Variants in LDHB observed in about 807,000 individuals in gnomAD.
LDHB encodes the protein L-lactate dehydrogenase B chain.
A neutral mutation model predicts 33.4 loss-of-function variants in LDHB; 18 were observed. The ratio of observed to expected loss-of-function variants is 0.54; its 90% CI spans 0.37 to 0.80. The LOEUF is 0.80. LDHB is among the 30% of genes least tolerant of loss of function. The pLI is 0.00. For missense variants in LDHB, 345 were observed against 407.9 expected, an observed-to-expected ratio of 0.85 and a Z score of 1.33; for synonymous variants, 121 against 140.6, an observed-to-expected ratio of 0.86 and a Z score of 0.98.
At chr12:21,648,853 T>C (rs1938601412) in intron 2 of LDHB, among the ~76,000 whole-genome samples, 1 of 152,242 alleles carries the variant, frequency 6.6e-6, no homozygotes, top group South Asian at 2.1e-4. Context: ...GAATGTGTCC[T>C]TAGCTCTGAG....
At chr12:21,649,215 AAGGATGTCAC>A (rs1938612439) in intron 2 of LDHB, among the ~76,000 whole-genome samples, 1 of 152,188 alleles carries the variant, frequency 6.6e-6, no homozygotes. Flanking sequence ...TTAAGTAGAA[AAGGATGTCAC>A]AGGATGTCAG....
intron 2 of LDHB, among the ~76,000 whole-genome samples, chr12:21,652,960 G>T (rs972283872): frequency 6.6e-6 from 1 of 152,170 alleles, no homozygotes; most frequent in African/African-American, 2.4e-5. Flanking sequence ...TTGGTTAGGG[G>T]TTATTCAGGC....
intron 4 of LDHB, among the ~76,000 whole-genome samples, chr12:21,643,160 C>A (rs1243522625): frequency 1.3e-5 from 2 of 152,216 alleles, no homozygotes; most frequent in African/African-American, 4.8e-5. Context: ...ACTCTCAATA[C>A]TCAAGATACT....
chr12:21,638,481 A>G lies in LDHB; in HGVS notation c.596-11T>C. On this transcript the variant is annotated splice_polypyrimidine_tract_variant and intron_variant, in intron 5 of 7. Coordinates refer to ENST00000350669, the MANE Select transcript of LDHB (RefSeq NM_002300.8). Reference sequence around the variant, plus strand: ...CACTCCACACAGCCACTGTTTAAAAAAAAAAAAAAAGACATTGCAGTTATT... The same window carrying G: ...CACTCCACACAGCCACTGTTTAAAAGAAAAAAAAAAGACATTGCAGTTATT... The G allele has an allele frequency of 1.4e-6, 2 of 1,476,550 alleles. No homozygotes were observed. Among genetic ancestry groups the G allele is most frequent in the Non-Finnish European group, 1.9e-6 (2 of 1,061,186 alleles). The allele number at this position is 1,476,550 out of a possible 1,614,324, so 91.5% of individuals were successfully genotyped here. A position where few individuals can be genotyped will look rare whatever the true frequency, so the allele number is the denominator to read the frequency against.
chr12:21,644,219 T>G, intron 3 of LDHB, 111 bp from the exon 4 acceptor site: 2 of 768,162 alleles, frequency 2.6e-6, no homozygotes, highest in South Asian at 3.4e-5. Context: ...AGAACATATA[T>G]GTGAATTAAG....
intron 5 of LDHB, among the ~76,000 whole-genome samples, chr12:21,640,407 A>G (rs974644234): frequency 2.6e-5 from 4 of 151,956 alleles, no homozygotes; most frequent in South Asian, 4.1e-4. Flanking sequence ...TTTATGTACA[A>G]TTCTTTACTT....
At chr12:21,656,210 AT>A (rs1016674446) in intron 1 of LDHB, among the ~76,000 whole-genome samples, 67 of 152,316 alleles carry the variant, frequency 4.4e-4, no homozygotes, top group African/African-American at 1.5e-3. Context: ...TGTAACAACT[AT>A]TTTATCTTAT....
intron 5 of LDHB, among the ~76,000 whole-genome samples, 186 bp downstream of exon 5, chr12:21,641,766 T>C (rs1048351802): frequency 6.6e-6 from 1 of 151,984 alleles, no homozygotes; most frequent in African/African-American, 2.4e-5. Context: ...AGATAGATGA[T>C]AGGTAGATAG....
intron 2 of LDHB, among the ~76,000 whole-genome samples, chr12:21,649,620 C>CTAAAATGGCTT (rs1565629574): frequency 6.7e-6 from 1 of 150,082 alleles, no homozygotes; most frequent in African/African-American, 2.5e-5. Flanking sequence ...TAATGTATCA[C>CTAAAATGGCTT]TAAAATGGCT....
At chr12:21,640,811 C>T (rs1207704141) in intron 5 of LDHB, among the ~76,000 whole-genome samples, 1 of 150,778 alleles carries the variant, frequency 6.6e-6, no homozygotes. Flanking sequence ...TTGTGCAAGA[C>T]AGTGCTCAAA....
intron 3 of LDHB, 133 bp from the exon 4 acceptor site, chr12:21,644,241 G>T (rs1399706856): frequency 4.5e-6 from 3 of 666,422 alleles, no homozygotes; most frequent in East Asian, 5.4e-5. Flanking sequence ...TTTCTGTATT[G>T]TAAGGGCTTG....
chr12:21,653,444 G>T (rs1164262764), intron 2 of LDHB, among the ~76,000 whole-genome samples: 3 of 152,214 alleles, frequency 2.0e-5, no homozygotes, highest in Middle Eastern at 3.4e-3. Flanking sequence ...TGGAAAAATT[G>T]TCTCCCACAA....
At position 21,654,611 on chromosome 12, in the gene LDHB, T is replaced by C. The variant is rs1219394608; in HGVS notation, c.61A>G (p.Asn21Asp). 2 of 1,614,082 alleles carry C rather than the reference T, an allele frequency of 1.2e-6. No homozygotes were observed. Among genetic ancestry groups the C allele is most frequent in the Admixed American group, 3.3e-5 (2 of 60,032 alleles). Residue 21 changes from asparagine to aspartate, a missense_variant, in exon 2 of 8, where the codon AAC becomes GAC. Physicochemically the swap from Asn to Asp is conservative, Grantham distance 23 (BLOSUM62 1). Transcript: ENST00000350669. Reference sequence around the variant, plus strand: ...ACACCCACTACAGTGATCTTATTGTTTGGAACTGTTGCCTCTTCTTCCGCA... The same window carrying C: ...ACACCCACTACAGTGATCTTATTGTCTGGAACTGTTGCCTCTTCTTCCGCA... ...PVAEEEATVP[N>D]NKITVVGVGQ...
intron 2 of LDHB, among the ~76,000 whole-genome samples, chr12:21,652,420 G>A (rs1321609187): frequency 1.3e-5 from 2 of 152,138 alleles, no homozygotes; most frequent in African/African-American, 2.4e-5. Context: ...ATCTCCTAAG[G>A]TTGTTTAAAA....
At chr12:21,638,186 G>A (rs1196664754) in intron 6 of LDHB, among the ~76,000 whole-genome samples, 167 bp downstream of exon 6, 3 of 152,090 alleles carry the variant, frequency 2.0e-5, no homozygotes, top group African/African-American at 7.2e-5. Context: ...AGGGAGACTG[G>A]CATAGCAAGT....
At chr12:21,651,995 G>A (rs917782070) in intron 2 of LDHB, among the ~76,000 whole-genome samples, 3 of 152,222 alleles carry the variant, frequency 2.0e-5, no homozygotes, top group Non-Finnish European at 2.9e-5. Flanking sequence ...GAGTCCAACT[G>A]TGGTAGCAGC....
At chr12:21,644,434 AAAAAAAAAAAAC>A (rs1176764752) in intron 3 of LDHB, among the ~76,000 whole-genome samples, 1 of 104,512 alleles carries the variant, frequency 9.6e-6, no homozygotes, top group African/African-American at 3.5e-5. Context: ...CAAAAAAAAA[AAAAAAAAAAAAC>A]AAAAACAAAA....
intron 1 of LDHB, 32 bp from the exon 2 acceptor site, chr12:21,654,709 T>C (rs1418019839): frequency 6.5e-7 from 1 of 1,542,430 alleles, no homozygotes. Flanking sequence ...ATTACACGTA[T>C]ATCTGCATAT....
At chr12:21,638,251 A>G (rs1938270779) in intron 6 of LDHB, 102 bp downstream of exon 6, 1 of 755,474 alleles carries the variant, frequency 1.3e-6, no homozygotes, top group Non-Finnish European at 2.4e-6. Flanking sequence ...CATAATTACT[A>G]CATTAAGAGT....
Sources: allele counts gnomAD v4.1 joint callset (sites outside exome capture counted in the v4.1 genomes callset), GRCh38; gene constraint gnomAD v4.1.1; transcripts MANE v1.5; gene names NCBI Gene and HGNC (gene_info 2026-07-23, HGNC 2026-07-21).